The following EIF1 variants were observed in gnomAD, a reference collection of about 807,000 sequenced individuals.
The protein encoded by EIF1 is protein translation factor SUI1 homolog.
A neutral mutation model predicts 13.7 loss-of-function variants in EIF1; 4 were observed. The observed-to-expected ratio is 0.29, with a 90% CI of 0.14 to 0.67. The LOEUF (loss-of-function observed/expected upper bound fraction) is 0.67, where lower values mean the gene tolerates loss of function less well. Ranked by LOEUF, EIF1 falls within the 30% of genes least tolerant of loss-of-function variation. EIF1 has a pLI of 0.77. For synonymous variants in EIF1, 67 were observed against 50.7 expected, an observed-to-expected ratio of 1.32 and a Z score of -1.37; for missense variants, 64 against 138.0, an observed-to-expected ratio of 0.46 and a Z score of 2.69.
intron 1 of EIF1, 65 bp from the exon 2 acceptor site, chr17:41,689,713 A>G: frequency 6.7e-7 from 1 of 1,495,482 alleles, no homozygotes; most frequent in Non-Finnish European, 9.0e-7. Flanking sequence ...ACACCTGGGG[A>G]CCGAGGGGAT....
intron 1 of EIF1, chr17:41,689,500 A>G (rs566630835): frequency 2.6e-5 from 12 of 460,366 alleles, no homozygotes; most frequent in East Asian, 1.5e-4. Flanking sequence ...GGCGGGTTGC[A>G]TCAGCTGGGT....
intron 1 of EIF1, 57 bp downstream of exon 1, chr17:41,689,126 G>T: frequency 6.3e-7 from 1 of 1,594,458 alleles, no homozygotes; most frequent in Admixed American, 1.7e-5. Flanking sequence ...TCCGGGCCCG[G>T]AGACGTGTTC....
intron 1 of EIF1, 40 bp downstream of exon 1, chr17:41,689,109 G>A (rs1012944004): frequency 2.8e-5 from 45 of 1,608,454 alleles, no homozygotes; most frequent in African/African-American, 4.0e-5. Context: ...GTGGGGCAGC[G>A]GGGCCTTCCG....
intron 1 of EIF1, 143 bp downstream of exon 1, chr17:41,689,212 A>G: frequency 2.0e-6 from 2 of 984,480 alleles, no homozygotes; most frequent in Non-Finnish European, 3.1e-6. Context: ...GGGCAGCGGG[A>G]TCAAGGCCTG....
chr17:41,689,143 G>A (rs990970215), intron 1 of EIF1, 74 bp downstream of exon 1: 1 of 1,542,598 alleles, frequency 6.5e-7, no homozygotes, highest in Non-Finnish European at 8.9e-7. Flanking sequence ...GTTCCGGGAA[G>A]TTGCCAAGCG....
At position 41,688,973 on chromosome 17, in the gene EIF1, T is replaced by G; in HGVS notation, c.-66T>G. On this transcript the variant is annotated 5_prime_UTR_variant, in exon 1 of 4. Coordinates refer to ENST00000469257, the MANE Select transcript of EIF1 (RefSeq NM_005801.4). Reference sequence around the variant, plus strand: ...GACGTTCCGTTCCCCCCTGCCCGCCTTCTCCCGCCACCGCCGCCGCCGCCT... The same window carrying G: ...GACGTTCCGTTCCCCCCTGCCCGCCGTCTCCCGCCACCGCCGCCGCCGCCT... 1 of 1,572,932 alleles carries G rather than the reference T, an allele frequency of 6.4e-7. No individual in the cohort carries two copies. Among genetic ancestry groups the G allele is most frequent in the Non-Finnish European group, 8.7e-7 (1 of 1,147,516 alleles).
In EIF1 at chr17:41,691,109, C is replaced by G. The variant is rs1452535489; in HGVS notation, c.*283C>G. The G allele has an allele frequency of 7.4e-6, 4 of 544,162 alleles. No homozygotes were observed. 33.7% of individuals were successfully genotyped at this position (544,162 alleles called of 1,614,324 possible). On this transcript the variant is annotated 3_prime_UTR_variant, in exon 4 of 4. Transcript: ENST00000469257. ...CGTCATGTTTCAGCCAAGCCCAGAG[C>G]CCTAAGATTACAAACAACTATGGCC...
chr17:41,689,512 G>T (rs1910305518), intron 1 of EIF1: 3 of 471,408 alleles, frequency 6.4e-6, no homozygotes, highest in South Asian at 6.1e-5. Flanking sequence ...CAGCTGGGTG[G>T]GGCACCGCCT....
chr17:41,689,687 T>G (rs1230667855), intron 1 of EIF1, 91 bp from the exon 2 acceptor site: 20 of 1,371,256 alleles, frequency 1.5e-5, no homozygotes, highest in Non-Finnish European at 2.0e-6. Context: ...TCAGTGTTGT[T>G]TTCTGCACGC....
At position 41,691,786 on chromosome 17, in the gene EIF1, C is replaced by T. The variant is rs982006860; in HGVS notation, c.*960C>T. ...CAAGAAAAACCTTTATGAGCTTGTCCCTCTCTGGTCAACTGGTTTTTTGTT... is the reference window on the plus strand; with the variant it reads ...CAAGAAAAACCTTTATGAGCTTGTCTCTCTCTGGTCAACTGGTTTTTTGTT... On this transcript the variant is annotated 3_prime_UTR_variant, in exon 4 of 4. Coordinates refer to ENST00000469257, the MANE Select transcript of EIF1 (RefSeq NM_005801.4). 2 of 152,440 alleles carry T rather than the reference C, an allele frequency of 1.3e-5. No individual in the cohort carries two copies. The highest frequency in any genetic ancestry group is 2.9e-5 in the Non-Finnish European group (2 of 68,040). 9.4% of individuals were successfully genotyped at this position (152,440 alleles called of 1,614,324 possible). A position where few individuals can be genotyped will look rare whatever the true frequency, so the allele number is the denominator to read the frequency against.
chr17:41,689,965 GA>G, intron 2 of EIF1, 24 bp downstream of exon 2: 1 of 1,609,942 alleles, frequency 6.2e-7, no homozygotes, highest in Non-Finnish European at 8.5e-7. Context: ...GAGATTTTGG[GA>G]AAGTCATAAT....
rs368783443 is a variant in EIF1, at chr17:41,690,734, T to A, written c.298-48T>A. The stretch of plus-strand genomic sequence containing the variant: ...TTGTTGCCATTAGAAATGGAGGCTT[T>A]AACTCTCCCTGTCCCCCATTTAAAA... On this transcript the variant is annotated intron_variant, in intron 3 of 3. Coordinates refer to ENST00000469257, the MANE Select transcript of EIF1 (RefSeq NM_005801.4). 6.2e-6 allele frequency: 10 copies of A among 1,606,480 alleles called. No homozygotes were observed. In the East Asian group the frequency reaches 2.2e-4, roughly 36 times the overall value.
chr17:41,689,747 A>T (rs1758842026), intron 1 of EIF1, 31 bp from the exon 2 acceptor site: 1 of 1,555,900 alleles, frequency 6.4e-7, no homozygotes. Context: ...TATCTTTGAC[A>T]GCTCTGAACG....
intron 3 of EIF1, 148 bp downstream of exon 3, chr17:41,690,337 T>C: frequency 1.6e-6 from 1 of 624,814 alleles, no homozygotes; most frequent in Non-Finnish European, 2.8e-6. Context: ...TATTTCTGTT[T>C]TATAGGAAAA....
At chr17:41,690,332 C>A (rs1248470058) in intron 3 of EIF1, 143 bp downstream of exon 3, 3 of 633,350 alleles carry the variant, frequency 4.7e-6, no homozygotes, top group Non-Finnish European at 8.2e-6. Context: ...AGACTTATTT[C>A]TGTTTTATAG....
intron 3 of EIF1, 132 bp downstream of exon 3, chr17:41,690,321 T>A (rs1446035615): frequency 1.5e-6 from 1 of 658,192 alleles, no homozygotes; most frequent in Non-Finnish European, 2.6e-6. Flanking sequence ...TTAAAGTACA[T>A]AGACTTATTT....
At position 41,692,542 on chromosome 17, in the gene EIF1, CAAT is replaced by C. The variant is rs1910416578; in HGVS notation, c.*1719_*1721del. The C allele has an allele frequency of 9.2e-6, 1 of 109,154 alleles. No individual in the cohort carries two copies. The highest frequency in any genetic ancestry group is 2.1e-5 in the Non-Finnish European group (1 of 47,796). The allele number at this position is 109,154 out of a possible 1,614,324, so 6.8% of individuals were successfully genotyped here. A position where few individuals can be genotyped will look rare whatever the true frequency, so the allele number is the denominator to read the frequency against. On this transcript the variant is annotated 3_prime_UTR_variant, in exon 4 of 4. Coordinates refer to ENST00000469257, the MANE Select transcript of EIF1 (RefSeq NM_005801.4). ...CAATGAGCCTCACAGCCGTGCTACA[CAAT>C]AAGATTATAATACTGTATTTTTACT...
Position 41,689,080 on chromosome 17 carries a change from G to A in EIF1, c.31+11G>A, listed in dbSNP as rs376691516. On this transcript the variant is annotated intron_variant, in intron 1 of 3. Coordinates refer to ENST00000469257, the MANE Select transcript of EIF1 (RefSeq NM_005801.4). ...ACCTCCACTCTTTCGGTAAGCTATG[G>A]GAAAGGTCGCGGGCCCGGGTGGGGC... 10 of 1,613,638 alleles carry A rather than the reference G, an allele frequency of 6.2e-6. No individual in the cohort carries two copies. In the African/African-American group the frequency reaches 1.3e-4, roughly 21 times the overall value.
rs1033962848 is a variant in EIF1, at chr17:41,691,332, T to TA, written c.*507dup. ...TGGACAGAGCTCAAAGAGGCCCTCT[T>TA]ACCGCTAGCGAGGTGATAGGACATC... On this transcript the variant is annotated 3_prime_UTR_variant, in exon 4 of 4. Coordinates refer to ENST00000469257, the MANE Select transcript of EIF1 (RefSeq NM_005801.4). 4 of 199,102 alleles carry TA rather than the reference T, an allele frequency of 2.0e-5. No homozygotes were observed. Among genetic ancestry groups the TA allele is most frequent in the Non-Finnish European group, 3.0e-5 (3 of 99,182 alleles). 12.3% of individuals were successfully genotyped at this position (199,102 alleles called of 1,614,324 possible). A position where few individuals can be genotyped will look rare whatever the true frequency, so the allele number is the denominator to read the frequency against.
Sources: allele counts gnomAD v4.1 joint callset, GRCh38; gene constraint gnomAD v4.1.1; transcripts MANE v1.5; gene names NCBI Gene and HGNC (gene_info 2026-07-23, HGNC 2026-07-21).